Variants in ADGRD1 observed in about 807,000 individuals in gnomAD.
The protein encoded by ADGRD1 is adhesion G protein-coupled receptor D1, also known as G-protein coupled receptor 133.
ADGRD1 carries 77 observed loss-of-function variants against 113.4 expected under a neutral mutation model. That is an observed-to-expected ratio of 0.68 (90% CI 0.57 to 0.82). The LOEUF is 0.82. Ranked by LOEUF, ADGRD1 falls within the 40% of genes least tolerant of loss-of-function variation. The probability of loss-of-function intolerance (pLI) is 0.00; values close to 1 mark genes in which losing one functional copy is unlikely to be tolerated. For missense variants in ADGRD1, 1,036 were observed against 1,139.1 expected (o/e 0.91, Z 1.30); for synonymous variants, 474 against 475.0 (o/e 1.00, Z 0.03).
intron 24 of ADGRD1, among the ~76,000 whole-genome samples, chr12:131,138,436 C>T (rs535172048): frequency 1.3e-5 from 2 of 152,224 alleles, no homozygotes; most frequent in Non-Finnish European, 2.9e-5. Context: ...CACAGCCCTA[C>T]CCCTTGACCC....
rs373412402 is a variant in ADGRD1 at position 131,138,285 on chromosome 12, G to A, written c.2529+56G>A. 150 of 1,485,520 alleles carry A rather than the reference G, an allele frequency of 1.0e-4. No homozygotes were observed. The African/African-American group carries it at 1.2e-3, about 11-fold the overall frequency. 92.0% of individuals were successfully genotyped at this position (1,485,520 alleles called of 1,614,324 possible). ...CAGCCCATCCTCCTTCCCCAGGCTC[G>A]GTTGTCAGCAGGATGGGGTGTGCAG... On this transcript the variant is annotated intron_variant, in intron 24 of 24. Coordinates refer to ENST00000261654, the MANE Select transcript of ADGRD1 (RefSeq NM_198827.5).
At position 131,003,955 on chromosome 12, in the gene ADGRD1, C is replaced by T. The variant is rs11831049; in HGVS notation, c.1145-231C>T. ...GGAGGGCGCCCCAGGTGAGGAGCCG[C>T]GCGCCCGTGGGCCGGAATGCTGAGC... On this transcript the variant is annotated intron_variant, in intron 10 of 24. Transcript: ENST00000261654. This position sits in a 1 kb window ranked among gnomAD's most constrained non-coding sequence, Gnocchi z 4.8. Among the ~76,000 whole-genome samples the T allele has an allele frequency of 2.2e-3, 329 of 150,836 alleles. 1 individual carries two copies. The highest frequency in any genetic ancestry group is 7.7e-3 in the African/African-American group (317 of 41,138).
At chr12:131,091,422 C>G (rs1221506515) in intron 15 of ADGRD1, among the ~76,000 whole-genome samples, 1 of 152,168 alleles carries the variant, frequency 6.6e-6, no homozygotes, top group African/African-American at 2.4e-5. Context: ...TTATTCATCT[C>G]TATACTAAAA....
intron 2 of ADGRD1, among the ~76,000 whole-genome samples, chr12:130,955,512 A>C (rs953725919): frequency 7.2e-5 from 11 of 152,184 alleles, no homozygotes; most frequent in Non-Finnish European, 1.3e-4. Flanking sequence ...TTCGCTGTTA[A>C]GAGTGTGGGC....
Position 131,004,223 on chromosome 12 carries a change from T to C in ADGRD1, c.1182T>C (p.Asn394=), listed in dbSNP as rs1448185932. ...SVAKILPKTV[N]SSHYRFPAHG... ...CCAAAATCCTGCCCAAGACCGTGAA[T>C]TCCTCCCATTACCGCTTCCCGGCCC... is the stretch of plus-strand genomic sequence containing the variant. The change falls in exon 11 of 25, where the codon AAT becomes AAC. Residue 394 remains asparagine, a synonymous_variant. Transcript: ENST00000261654. The C allele has an allele frequency of 6.2e-7, 1 of 1,613,934 alleles. No homozygotes were observed. The highest frequency in any genetic ancestry group is 1.7e-5 in the Admixed American group (1 of 60,008).
intron 13 of ADGRD1, among the ~76,000 whole-genome samples, chr12:131,066,757 G>C (rs898380022): frequency 7.9e-5 from 12 of 152,290 alleles, no homozygotes; most frequent in African/African-American, 2.6e-4. Flanking sequence ...ACGTGGATGG[G>C]GGGATCGTGG....
intron 13 of ADGRD1, among the ~76,000 whole-genome samples, chr12:131,052,384 C>T (rs980318616): frequency 2.0e-5 from 3 of 152,228 alleles, no homozygotes; most frequent in Admixed American, 6.5e-5. Flanking sequence ...CTCGTCTTCT[C>T]ACCTGTTCCC....
At chr12:130,968,934 C>G in intron 3 of ADGRD1, 1 of 1,138,136 alleles carries the variant, frequency 8.8e-7, no homozygotes, top group Non-Finnish European at 1.3e-6. Flanking sequence ...TGTCTTTTGT[C>G]TCACTCACTT....
chr12:131,107,207 C>T (rs1950251603), intron 17 of ADGRD1, among the ~76,000 whole-genome samples: 1 of 151,646 alleles, frequency 6.6e-6, no homozygotes, highest in Non-Finnish European at 1.5e-5. Flanking sequence ...GGGAAGGGCT[C>T]TGATGGGTCC....
intron 13 of ADGRD1, among the ~76,000 whole-genome samples, chr12:131,017,292 A>G (rs1169673789): frequency 6.7e-6 from 1 of 149,446 alleles, no homozygotes; most frequent in Admixed American, 6.6e-5. Context: ...CCCAGTGCAC[A>G]CAGTCCACAC....
intron 13 of ADGRD1, chr12:131,024,864 A>G (rs1291861315): frequency 6.6e-6 from 1 of 152,286 alleles, no homozygotes; most frequent in Non-Finnish European, 1.5e-5. Flanking sequence ...TGTCTGTGTG[A>G]GAAGCTCGGG....
chr12:130,980,095 C>A (rs1001311364), intron 4 of ADGRD1, among the ~76,000 whole-genome samples: 8 of 151,604 alleles, frequency 5.3e-5, no homozygotes, highest in Non-Finnish European at 8.8e-5. Flanking sequence ...AGGAGCTGGG[C>A]TTTTGCGGTT....
At chr12:131,120,118 C>A (rs1478967681) in intron 19 of ADGRD1, among the ~76,000 whole-genome samples, 1 of 152,134 alleles carries the variant, frequency 6.6e-6, no homozygotes, top group African/African-American at 2.4e-5. Context: ...TAAGCCAGCC[C>A]CGGGGAGACA....
chr12:131,003,986 C>T lies in ADGRD1; in HGVS notation c.1145-200C>T, dbSNP rs986083113. 3.3e-5 allele frequency among the ~76,000 whole-genome samples: 5 copies of T among 149,830 alleles called. No individual in the cohort carries two copies. The highest frequency in any genetic ancestry group is 1.3e-4 in the Admixed American group (2 of 15,046). Reference sequence around the variant, plus strand: ...CGTGGGCCGGAATGCTGAGCCTCCCCGTGGCAGTCACTGCCTGGGCTCTTC... The same window carrying T: ...CGTGGGCCGGAATGCTGAGCCTCCCTGTGGCAGTCACTGCCTGGGCTCTTC... On this transcript the variant is annotated intron_variant, in intron 10 of 24. Transcript: ENST00000261654. This position sits in a 1 kb window ranked among gnomAD's most constrained non-coding sequence, Gnocchi z 4.8.
At chr12:131,137,897 TGTGAG>T in intron 23 of ADGRD1, 1 of 413,236 alleles carries the variant, frequency 2.4e-6, no homozygotes, top group South Asian at 2.3e-5. Flanking sequence ...CATTGCTGAG[TGTGAG>T]GAGCCCAGCA....
chr12:131,069,533 A>G (rs1390719288), intron 13 of ADGRD1: 1 of 152,332 alleles, frequency 6.6e-6, no homozygotes, highest in Non-Finnish European at 1.5e-5. Flanking sequence ...GTCCGTGGAA[A>G]AGGTTAACTA....
Position 131,081,033 on chromosome 12 carries a change from C to A in ADGRD1, c.1548-3507C>A, listed in dbSNP as rs540740159. ...AGCCCTTTTATCATTACATAATGTC[C>A]CTCTTTACCCTGGGAAATATGCGTT... On this transcript the variant is annotated intron_variant, in intron 14 of 24. Transcript: ENST00000261654. 1.8e-4 allele frequency among the ~76,000 whole-genome samples: 27 copies of A among 152,122 alleles called. No individual in the cohort carries two copies. In the East Asian group the frequency reaches 5.0e-3, roughly 28 times the overall value.
At chr12:131,108,348 G>A (rs1950278454) in intron 17 of ADGRD1, among the ~76,000 whole-genome samples, 2 of 152,188 alleles carry the variant, frequency 1.3e-5, no homozygotes, top group Non-Finnish European at 1.5e-5. Flanking sequence ...CACTTGAAGG[G>A]AGGGAAACTC....
At chr12:130,981,656 A>C (rs1461875543) in intron 4 of ADGRD1, among the ~76,000 whole-genome samples, 1 of 152,212 alleles carries the variant, frequency 6.6e-6, no homozygotes, top group East Asian at 1.9e-4. Context: ...ACTTTTTAAA[A>C]GGCGAGAATT....
Sources: gnomAD v4.1 joint callset for allele counts (sites outside exome capture counted in the v4.1 genomes callset) on GRCh38, gnomAD v4.1.1 for gene constraint, Gnocchi (gnomAD v3.1) non-coding constraint, MANE v1.5 for transcripts, NCBI Gene and HGNC (gene_info 2026-07-23, HGNC 2026-07-21) for gene names.